Variants in PPFIA2 observed in about 807,000 individuals in gnomAD.
PPFIA2 encodes the protein PPFI scaffold protein A2.
A neutral mutation model predicts 175.5 loss-of-function variants in PPFIA2; 46 were observed. The observed-to-expected ratio is 0.26, with a 90% CI of 0.21 to 0.34. The LOEUF (loss-of-function observed/expected upper bound fraction) is 0.34, where lower values mean the gene tolerates loss of function less well. PPFIA2 is among the 10% of genes least tolerant of loss of function. The pLI is 1.00. For synonymous variants in PPFIA2, 568 were observed against 511.4 expected, an observed-to-expected ratio of 1.11 and a Z score of -1.49; for missense variants, 1,179 against 1,506.1, an observed-to-expected ratio of 0.78 and a Z score of 3.60.
At chr12:81,383,107 T>C (rs1268831196) in intron 9 of PPFIA2, among the ~76,000 whole-genome samples, 1 of 152,126 alleles carries the variant, frequency 6.6e-6, no homozygotes, top group Non-Finnish European at 1.5e-5. Flanking sequence ...TAATGACTTT[T>C]ATGAGAAGAG....
intron 4 of PPFIA2, among the ~76,000 whole-genome samples, chr12:81,559,852 C>G (rs2153387867): frequency 6.6e-6 from 1 of 151,598 alleles, no homozygotes; most frequent in South Asian, 2.1e-4. Flanking sequence ...CTCATTTCCC[C>G]CAACCCAAAT....
intron 4 of PPFIA2, among the ~76,000 whole-genome samples, chr12:81,610,004 A>G (rs1237493497): frequency 2.0e-5 from 3 of 152,158 alleles, no homozygotes; most frequent in Non-Finnish European, 4.4e-5. Context: ...CTTGTCTGAG[A>G]AGGATTTTAT....
chr12:81,603,537 T>C (rs769215981), intron 4 of PPFIA2, among the ~76,000 whole-genome samples: 8 of 151,670 alleles, frequency 5.3e-5, no homozygotes, highest in Non-Finnish European at 1.0e-4. Flanking sequence ...TTTGAAAAAT[T>C]ACTTTAAGAG....
chr12:81,400,565 T>G (rs2041944297), intron 8 of PPFIA2, among the ~76,000 whole-genome samples: 1 of 152,178 alleles, frequency 6.6e-6, no homozygotes, highest in African/African-American at 2.4e-5. Context: ...ACTAAAGAAC[T>G]GAAAACATGC....
At chr12:81,466,527 T>C (rs2055654310) in intron 4 of PPFIA2, among the ~76,000 whole-genome samples, 1 of 152,182 alleles carries the variant, frequency 6.6e-6, no homozygotes, top group Non-Finnish European at 1.5e-5. Flanking sequence ...ACTATGCTCC[T>C]ACTGAAACGT....
At chr12:81,326,583 T>C (rs2054819837) in intron 21 of PPFIA2, among the ~76,000 whole-genome samples, 1 of 152,134 alleles carries the variant, frequency 6.6e-6, no homozygotes, top group South Asian at 2.1e-4. Flanking sequence ...TCTCATTTAG[T>C]GTCAATATAT....
chr12:81,389,127 A>T (rs765653213), intron 8 of PPFIA2, among the ~76,000 whole-genome samples: 3 of 95,364 alleles, frequency 3.1e-5, no homozygotes, highest in Non-Finnish European at 4.5e-5. Flanking sequence ...TCAATATTTT[A>T]TATATATATA....
intron 4 of PPFIA2, among the ~76,000 whole-genome samples, chr12:81,618,744 C>T (rs971359188): frequency 2.0e-5 from 3 of 151,630 alleles, no homozygotes; most frequent in Non-Finnish European, 2.9e-5. Context: ...ATGTTAGCCA[C>T]GATGGTCTCC....
At chr12:81,499,842 A>G (rs1472661756) in intron 4 of PPFIA2, among the ~76,000 whole-genome samples, 2 of 152,144 alleles carry the variant, frequency 1.3e-5, no homozygotes, top group Non-Finnish European at 2.9e-5. Context: ...AAAGAAAAGA[A>G]AGAAATTGTT....
At chr12:81,406,036 C>T (rs187031187) in intron 7 of PPFIA2, 133 bp from the exon 8 acceptor site, 88 of 529,468 alleles carry the variant, frequency 1.7e-4, no homozygotes, top group Non-Finnish European at 2.5e-4. Flanking sequence ...TTACATTTTA[C>T]TGAATTATTA....
chr12:81,343,582 G>A (rs2058534585), intron 19 of PPFIA2, among the ~76,000 whole-genome samples: 1 of 152,048 alleles, frequency 6.6e-6, no homozygotes, highest in Non-Finnish European at 1.5e-5. Context: ...ATGTTTGGGT[G>A]TAAGCTGACT....
At chr12:81,369,215 T>C (rs777449550) in intron 11 of PPFIA2, 21 bp from the exon 12 acceptor site, 2 of 1,601,194 alleles carry the variant, frequency 1.2e-6, no homozygotes, top group South Asian at 2.2e-5. Context: ...ATATGAAGAA[T>C]ACACCTGAAA....
chr12:81,683,901 G>A (rs2074055503), intron 3 of PPFIA2, among the ~76,000 whole-genome samples: 1 of 152,100 alleles, frequency 6.6e-6, no homozygotes, highest in South Asian at 2.1e-4. Flanking sequence ...GCCAAGGGGA[G>A]CCAGCTGTGT....
intron 4 of PPFIA2, among the ~76,000 whole-genome samples, chr12:81,629,378 A>C (rs1231730937): frequency 6.6e-6 from 1 of 152,206 alleles, no homozygotes; most frequent in African/African-American, 2.4e-5. Context: ...ATCAATAATT[A>C]GTCTTTTTAA....
intron 4 of PPFIA2, chr12:81,512,331 T>C: frequency 7.8e-7 from 1 of 1,288,806 alleles, no homozygotes; most frequent in African/African-American, 1.5e-5. Flanking sequence ...CTCCCACTGC[T>C]ATCTCTTATG....
intron 15 of PPFIA2, among the ~76,000 whole-genome samples, chr12:81,360,003 A>G (rs1174295749): frequency 6.6e-6 from 1 of 151,792 alleles, no homozygotes; most frequent in Non-Finnish European, 1.5e-5. Context: ...CATTTCTTTG[A>G]ACATGCTTTT....
At chr12:81,614,038 C>G (rs1018015014) in intron 4 of PPFIA2, among the ~76,000 whole-genome samples, 1 of 152,024 alleles carries the variant, frequency 6.6e-6, no homozygotes, top group African/African-American at 2.4e-5. Context: ...ATATTCTAAC[C>G]ACCAAACTAT....
At position 81,423,463 on chromosome 12, in the gene PPFIA2, T is replaced by C. The variant is rs908604569; in HGVS notation, c.645+16509A>G. On this transcript the variant is annotated intron_variant, in intron 7 of 32. Coordinates refer to ENST00000549396, the MANE Select transcript of PPFIA2 (RefSeq NM_003625.5). ...AGTTTAACATACACAAATCAATCAA[T>C]ATGATACAACACATCAGCAAAATTT... 2.6e-5 allele frequency among the ~76,000 whole-genome samples: 4 copies of C among 152,206 alleles called. No individual in the cohort carries two copies. The East Asian group carries it at 7.7e-4, about 29-fold the overall frequency.
chr12:81,413,011 T>A (rs1008762466), intron 7 of PPFIA2, among the ~76,000 whole-genome samples: 1 of 151,874 alleles, frequency 6.6e-6, no homozygotes, highest in South Asian at 2.1e-4. Flanking sequence ...AGCTTTTAAG[T>A]CTTTCAGATG....
Sources: gnomAD v4.1 joint callset for allele counts (sites outside exome capture counted in the v4.1 genomes callset) on GRCh38, gnomAD v4.1.1 for gene constraint, MANE v1.5 for transcripts, NCBI Gene and HGNC (gene_info 2026-07-23, HGNC 2026-07-21) for gene names.